The following USP45 variants were observed in gnomAD, a reference collection of about 807,000 sequenced individuals.
USP45 encodes ubiquitin specific peptidase 45.
A neutral mutation model predicts 95.8 loss-of-function variants in USP45; 89 were observed. The observed-to-expected ratio is 0.93, with a 90% CI of 0.78 to 1.11. The LOEUF (loss-of-function observed/expected upper bound fraction) is 1.11, where lower values mean the gene tolerates loss of function less well. Ranked by LOEUF, USP45 falls within the 50% of genes least tolerant of loss-of-function variation. The pLI is 0.00. For missense variants in USP45, 898 were observed against 942.5 expected (o/e 0.95, Z 0.62); for synonymous variants, 281 against 316.2 (o/e 0.89, Z 1.18).
In USP45 at chr6:99,476,231, C is replaced by G; in HGVS notation, c.846-1G>C. ...CTGGAAATCTTTAAATCGAGGTGCC[C>G]TGTGATTTAAAAACAAAAGAGGAAA... On this transcript the variant is annotated splice_acceptor_variant, in intron 8 of 17. Coordinates refer to ENST00000500704, the MANE Select transcript of USP45 (RefSeq NM_001346022.3). LOFTEE classifies it high-confidence loss of function. 3.7e-6 allele frequency: 6 copies of G among 1,613,556 alleles called. No individual in the cohort carries two copies. The highest frequency in any genetic ancestry group is 4.2e-6 in the Non-Finnish European group (5 of 1,179,698).
intron 11 of USP45, 144 bp downstream of exon 11, chr6:99,466,528 G>T: frequency 1.5e-6 from 1 of 652,826 alleles, no homozygotes; most frequent in Non-Finnish European, 2.7e-6. Flanking sequence ...GGAGTGTAGC[G>T]TATAAAAAGA....
At chr6:99,509,534 A>G (rs967758670) in intron 2 of USP45, among the ~76,000 whole-genome samples, 1 of 152,092 alleles carries the variant, frequency 6.6e-6, no homozygotes, top group African/African-American at 2.4e-5. Context: ...GGCCCAAATC[A>G]AAAGCATGAG....
At chr6:99,452,099 C>T (rs1583039447) in intron 13 of USP45, among the ~76,000 whole-genome samples, 1 of 152,146 alleles carries the variant, frequency 6.6e-6, no homozygotes, top group African/African-American at 2.4e-5. Flanking sequence ...CTAGGCAATA[C>T]CATTCAGGAC....
chr6:99,502,431 G>A (rs1313852049), intron 5 of USP45, among the ~76,000 whole-genome samples: 1 of 152,132 alleles, frequency 6.6e-6, no homozygotes, highest in African/African-American at 2.4e-5. Context: ...CAAATTTGTG[G>A]ACAGTTGGTC....
At chr6:99,502,504 G>A (rs1454493915) in intron 5 of USP45, among the ~76,000 whole-genome samples, 1 of 152,192 alleles carries the variant, frequency 6.6e-6, no homozygotes, top group Non-Finnish European at 1.5e-5. Flanking sequence ...GGGCAGTCCT[G>A]TGGGCAACTG....
In USP45 at chr6:99,434,741, A is replaced by G. The variant is rs1370260176; in HGVS notation, c.*975T>C. 1 of 152,230 alleles carries G rather than the reference A, an allele frequency of 6.6e-6. No individual in the cohort carries two copies. The highest frequency in any genetic ancestry group is 2.4e-5 in the African/African-American group (1 of 41,470). 9.4% of individuals were successfully genotyped at this position (152,230 alleles called of 1,614,324 possible). ...TAGAAAAAGTATATATTTTTCTGTT[A>G]AGAATATAATTCTCTATCATTTACA... is the stretch of plus-strand genomic sequence containing the variant. On this transcript the variant is annotated 3_prime_UTR_variant, in exon 18 of 18. Coordinates refer to ENST00000500704, the MANE Select transcript of USP45 (RefSeq NM_001346022.3).
intron 5 of USP45, among the ~76,000 whole-genome samples, chr6:99,500,344 C>T (rs1019368901): frequency 2.0e-5 from 3 of 152,092 alleles, no homozygotes; most frequent in Non-Finnish European, 4.4e-5. Flanking sequence ...AGGCTGGTCT[C>T]GATTCCTGGC....
chr6:99,465,998 A>G (rs1787856594), intron 11 of USP45, among the ~76,000 whole-genome samples: 1 of 152,040 alleles, frequency 6.6e-6, no homozygotes, highest in Non-Finnish European at 1.5e-5. Flanking sequence ...ATGTTAATAC[A>G]TTAAGTTATT....
chr6:99,509,421 T>TATA (rs2128811065), intron 2 of USP45, among the ~76,000 whole-genome samples: 1 of 152,260 alleles, frequency 6.6e-6, no homozygotes, highest in South Asian at 2.1e-4. Context: ...AGTGTGTTTG[T>TATA]GTATAGCTGT....
At chr6:99,467,386 T>G (rs528670273) in intron 10 of USP45, among the ~76,000 whole-genome samples, 4 of 152,130 alleles carry the variant, frequency 2.6e-5, no homozygotes, top group Non-Finnish European at 5.9e-5. Context: ...TCTCTCTACT[T>G]TAATAAAAAT....
chr6:99,482,848 T>C lies in USP45; in HGVS notation c.750A>G (p.Pro250=), dbSNP rs765187487. 1.9e-6 allele frequency: 3 copies of C among 1,597,236 alleles called. No individual in the cohort carries two copies. The African/African-American group carries it at 4.0e-5, about 21-fold the overall frequency. The part of the protein sequence containing the change: ...PLVVELSRPG[P]LTSALFLFLH... Reference sequence around the variant, plus strand: ...GAAACAGGAACAAGGCTGAGGTCAGTGGTCCAGGCCTTGAAAGTTCCACCA... The same window carrying C: ...GAAACAGGAACAAGGCTGAGGTCAGCGGTCCAGGCCTTGAAAGTTCCACCA... The change falls in exon 8 of 18, where the codon CCA becomes CCG. Residue 250 remains proline (P), a synonymous_variant. Transcript: ENST00000500704.
chr6:99,472,652 T>C (rs1789733846), intron 9 of USP45, among the ~76,000 whole-genome samples: 1 of 152,204 alleles, frequency 6.6e-6, no homozygotes, highest in Non-Finnish European at 1.5e-5. Flanking sequence ...ATATCATCTG[T>C]AGGCCCATTT....
chr6:99,434,165 T>C lies in USP45; in HGVS notation c.*1551A>G, dbSNP rs1780114585. 6.6e-6 allele frequency: 1 copy of C among 152,198 alleles called. No individual in the cohort carries two copies. The highest frequency in any genetic ancestry group is 1.5e-5 in the Non-Finnish European group (1 of 68,018). 9.4% of individuals were successfully genotyped at this position (152,198 alleles called of 1,614,324 possible). On this transcript the variant is annotated 3_prime_UTR_variant, in exon 18 of 18. Transcript: ENST00000500704. Reference sequence around the variant, plus strand: ...CATCTTAAAAATAGAATTTATGCAATGACATTTTTAAGCTCTGCATTTTGT... The same window carrying C: ...CATCTTAAAAATAGAATTTATGCAACGACATTTTTAAGCTCTGCATTTTGT...
chr6:99,504,524 T>C (rs1173162156), intron 4 of USP45, among the ~76,000 whole-genome samples: 1 of 152,108 alleles, frequency 6.6e-6, no homozygotes, highest in East Asian at 1.9e-4. Context: ...GAGAAACAGA[T>C]TAGTATAGTA....
At chr6:99,462,209 A>G (rs1305300021) in intron 13 of USP45, 1 of 977,240 alleles carries the variant, frequency 1.0e-6, no homozygotes, top group African/African-American at 1.8e-5. Flanking sequence ...TATGAAAAAA[A>G]TTTTCAATAA....
At chr6:99,498,836 A>C (rs1796825844) in intron 5 of USP45, among the ~76,000 whole-genome samples, 1 of 152,248 alleles carries the variant, frequency 6.6e-6, no homozygotes, top group African/African-American at 2.4e-5. Flanking sequence ...ACTAAGCCAG[A>C]CACTTAAGAG....
chr6:99,495,559 G>A (rs953867513), intron 5 of USP45, among the ~76,000 whole-genome samples: 13 of 152,316 alleles, frequency 8.5e-5, no homozygotes, highest in African/African-American at 2.9e-4. Flanking sequence ...GCTGGTTAGT[G>A]TTGAGGGAAG....
rs1429469572 is a variant in USP45, at chr6:99,456,950, G to A, written c.1308+7654C>T. Among the ~76,000 whole-genome samples, 5 of 152,286 alleles carry A rather than the reference G, an allele frequency of 3.3e-5. No homozygotes were observed. In the East Asian group the frequency reaches 5.8e-4, roughly 18 times the overall value. ...GGAACATACCTGAGAAAGAGAATGC[G>A]TGCCTGGGGGTAGGCCTATGAATGG... On this transcript the variant is annotated intron_variant, in intron 13 of 17. Coordinates refer to ENST00000500704, the MANE Select transcript of USP45 (RefSeq NM_001346022.3).
chr6:99,464,534 T>G, intron 13 of USP45, 70 bp downstream of exon 13: 1 of 1,517,350 alleles, frequency 6.6e-7, no homozygotes, highest in Admixed American at 2.1e-5. Context: ...TCTCTACTTT[T>G]AGATGTGCTT....
Sources: gnomAD v4.1 joint callset for allele counts (sites outside exome capture counted in the v4.1 genomes callset) on GRCh38, gnomAD v4.1.1 for gene constraint, MANE v1.5 for transcripts, NCBI Gene and HGNC (gene_info 2026-07-23, HGNC 2026-07-21) for gene names.